Variants in TBC1D23 observed in about 807,000 individuals in gnomAD.
The protein encoded by TBC1D23 is HCV non-structural protein 4A-transactivated protein 1.
Under a neutral mutation model 91.4 loss-of-function variants are expected in TBC1D23, and 55 were observed. The ratio of observed to expected loss-of-function variants is 0.60; its 90% CI spans 0.48 to 0.75. TBC1D23 has a LOEUF of 0.75. Among genes scored for constraint, TBC1D23 ranks in the 30% least tolerant of loss-of-function variants. TBC1D23 has a pLI of 0.00. For missense variants in TBC1D23, 725 were observed against 836.1 expected, an observed-to-expected ratio of 0.87 and a Z score of 1.64; for synonymous variants, 289 against 281.0, an observed-to-expected ratio of 1.03 and a Z score of -0.28.
intron 1 of TBC1D23, among the ~76,000 whole-genome samples, chr3:100,278,029 T>C (rs2067664719): frequency 6.6e-6 from 1 of 152,252 alleles, no homozygotes; most frequent in Non-Finnish European, 1.5e-5. Context: ...CTGTTGAGTA[T>C]GATCCTAAGT....
At chr3:100,298,138 T>C in intron 9 of TBC1D23, 93 bp downstream of exon 9, 3 of 1,107,218 alleles carry the variant, frequency 2.7e-6, no homozygotes, top group Non-Finnish European at 3.9e-6. Context: ...ACAAAATCAA[T>C]TTACTGCAAC....
At position 100,313,031 on chromosome 3, in the gene TBC1D23, TATA is replaced by T. The variant is rs1023283305; in HGVS notation, c.1598+1164_1598+1166del. 2.6e-5 allele frequency among the ~76,000 whole-genome samples: 4 copies of T among 151,078 alleles called. No individual in the cohort carries two copies. In the South Asian group the frequency reaches 6.3e-4, roughly 24 times the overall value. On this transcript the variant is annotated intron_variant, in intron 15 of 18. Transcript: ENST00000394144. ...CAAAAAATAATAATAATAATAATAA[TATA>T]ATAATAATAGTTCACCCTCTAATAA...
intron 3 of TBC1D23, among the ~76,000 whole-genome samples, 156 bp downstream of exon 3, chr3:100,282,003 CTA>C (rs1424456173): frequency 2.0e-5 from 3 of 152,172 alleles, no homozygotes; most frequent in Non-Finnish European, 4.4e-5. Flanking sequence ...GAAATATTGT[CTA>C]TTAATTTTAA....
intron 1 of TBC1D23, among the ~76,000 whole-genome samples, chr3:100,269,675 T>TA (rs1379795570): frequency 6.6e-6 from 1 of 152,226 alleles, no homozygotes; most frequent in Admixed American, 6.5e-5. Context: ...CCAAATGTCA[T>TA]ACAGAATATT....
Position 100,290,696 on chromosome 3 carries a change from A to C in TBC1D23, c.595A>C (p.Asn199His). The change falls in exon 5 of 19, where the codon AAC becomes CAC. Residue 199 changes from asparagine to histidine, a missense_variant. Coordinates refer to ENST00000394144, the MANE Select transcript of TBC1D23 (RefSeq NM_001199198.3). ...AATTACTCCAGACTCCTATGCACTC[A>C]ACTGGGTAATAAAGTGAAAGTAGGA... Reference protein sequence around the residue: ...KKITPDSYALNWLGSLFACYC... With the variant: ...KKITPDSYALHWLGSLFACYC... The C allele has an allele frequency of 6.3e-7, 1 of 1,599,380 alleles. No individual in the cohort carries two copies. Among genetic ancestry groups the C allele is most frequent in the South Asian group, 1.1e-5 (1 of 88,312 alleles).
intron 1 of TBC1D23, among the ~76,000 whole-genome samples, chr3:100,266,198 A>C (rs2067556119): frequency 6.6e-6 from 1 of 152,174 alleles, no homozygotes; most frequent in African/African-American, 2.4e-5. Context: ...AAAGATAAGA[A>C]ATGAAAAAGA....
At chr3:100,273,988 C>A (rs971619493) in intron 1 of TBC1D23, among the ~76,000 whole-genome samples, 5 of 151,950 alleles carry the variant, frequency 3.3e-5, no homozygotes, top group African/African-American at 1.2e-4. Flanking sequence ...AAATATATGT[C>A]TATATATATG....
At chr3:100,294,871 T>C (rs367753485) in intron 5 of TBC1D23, among the ~76,000 whole-genome samples, 5 of 152,202 alleles carry the variant, frequency 3.3e-5, no homozygotes, top group African/African-American at 1.2e-4. Flanking sequence ...TTTAAAGAGG[T>C]TGACATGTCC....
chr3:100,290,463 A>G (rs1423120547), intron 4 of TBC1D23, 115 bp from the exon 5 acceptor site: 2 of 884,322 alleles, frequency 2.3e-6, no homozygotes, highest in Non-Finnish European at 3.6e-6. Context: ...TCTGCCTGCT[A>G]CTGTCAGGTA....
chr3:100,261,224 G>A, intron 1 of TBC1D23, 153 bp downstream of exon 1: 1 of 695,024 alleles, frequency 1.4e-6, no homozygotes, highest in Non-Finnish European at 2.4e-6. Context: ...TGCCAGCTGG[G>A]TGCCCCCTGC....
chr3:100,287,673 C>T (rs1273829399), intron 4 of TBC1D23, among the ~76,000 whole-genome samples: 1 of 152,194 alleles, frequency 6.6e-6, no homozygotes, highest in East Asian at 1.9e-4. Context: ...CTTCCTTCCA[C>T]CTGCAGTATC....
In TBC1D23 at chr3:100,324,917, T is replaced by C. The variant is rs1369785809; in HGVS notation, c.*1249T>C. 6.6e-6 allele frequency: 1 copy of C among 152,228 alleles called. No individual in the cohort carries two copies. The highest frequency in any genetic ancestry group is 2.4e-5 in the African/African-American group (1 of 41,478). The allele number at this position is 152,228 out of a possible 1,614,324, so 9.4% of individuals were successfully genotyped here. A position where few individuals can be genotyped will look rare whatever the true frequency, so the allele number is the denominator to read the frequency against. ...TTAGATGTACCCTGTTAACAGCCAG[T>C]CATTTTGATTTACTTATGGAAATCA... On this transcript the variant is annotated 3_prime_UTR_variant, in exon 19 of 19. Coordinates refer to ENST00000394144, the MANE Select transcript of TBC1D23 (RefSeq NM_001199198.3).
At chr3:100,272,648 C>G (rs1413086723) in intron 1 of TBC1D23, among the ~76,000 whole-genome samples, 1 of 152,170 alleles carries the variant, frequency 6.6e-6, no homozygotes, top group Non-Finnish European at 1.5e-5. Context: ...CCGCCAGCCT[C>G]TGAGTTCCCT....
chr3:100,266,292 C>T (rs1419792081), intron 1 of TBC1D23, among the ~76,000 whole-genome samples: 4 of 149,840 alleles, frequency 2.7e-5, no homozygotes, highest in Non-Finnish European at 4.4e-5. Flanking sequence ...TTTTTTGAGA[C>T]GGAGTCTCAT....
intron 4 of TBC1D23, 101 bp downstream of exon 4, chr3:100,283,912 T>C: frequency 1.6e-6 from 1 of 641,180 alleles, no homozygotes; most frequent in Non-Finnish European, 2.7e-6. Flanking sequence ...AAGTAAAAGG[T>C]TCAAATAATT....
Position 100,299,269 on chromosome 3 carries a change from C to A in TBC1D23, c.1030C>A (p.Arg344Ser), listed in dbSNP as rs777073197. ...AGTCCGGTTCTTTGTGGTGGATTGC[C>A]GTCCTGCAGAACAATATAATGCTGG... The part of the protein sequence containing the change: ...EGVRFFVVDC[R>S]PAEQYNAGHL... The change falls in exon 10 of 19, where the codon CGT becomes AGT. Residue 344 changes from arginine to serine, a missense_variant. By Grantham distance (110) the Arg-to-Ser change is moderately radical. Coordinates refer to ENST00000394144, the MANE Select transcript of TBC1D23 (RefSeq NM_001199198.3). The A allele has an allele frequency of 1.2e-6, 2 of 1,612,218 alleles. No homozygotes were observed. The highest frequency in any genetic ancestry group is 2.2e-5 in the South Asian group (2 of 90,962).
chr3:100,302,185 G>T lies in TBC1D23; in HGVS notation c.1211G>T (p.Gly404Val). 1 of 1,614,032 alleles carries T rather than the reference G, an allele frequency of 6.2e-7. No homozygotes were observed. The highest frequency in any genetic ancestry group is 1.1e-5 in the South Asian group (1 of 91,078). Residue 404 changes from glycine to valine, a missense_variant, in exon 11 of 19, where the codon GGC (glycine) becomes GTC (valine). By Grantham distance (109) the Gly-to-Val change is moderately radical. Coordinates refer to ENST00000394144, the MANE Select transcript of TBC1D23 (RefSeq NM_001199198.3). ...GGEHLCFMGSGREEEDMYMNM... is the reference protein window; with the variant it reads ...GGEHLCFMGSVREEEDMYMNM... ...GAGCACCTCTGTTTTATGGGCAGTG[G>T]CAGGGAGGAAGAAGACATGTATATG... is the stretch of plus-strand genomic sequence containing the variant.
intron 5 of TBC1D23, 123 bp downstream of exon 5, chr3:100,290,824 C>A: frequency 2.6e-6 from 2 of 765,112 alleles, no homozygotes; most frequent in Non-Finnish European, 3.9e-6. Context: ...ACTGTTTAAA[C>A]CAAAGGGGTA....
At chr3:100,263,464 A>G (rs2067531310) in intron 1 of TBC1D23, among the ~76,000 whole-genome samples, 1 of 152,246 alleles carries the variant, frequency 6.6e-6, no homozygotes, top group African/African-American at 2.4e-5. Context: ...GTAACAGCAT[A>G]AGCAAGGGCA....
Sources: allele counts gnomAD v4.1 joint callset (sites outside exome capture counted in the v4.1 genomes callset), GRCh38; gene constraint gnomAD v4.1.1; transcripts MANE v1.5; gene names NCBI Gene and HGNC (gene_info 2026-07-23, HGNC 2026-07-21).